The following DNAH10 variants were observed in gnomAD, a reference collection of about 807,000 sequenced individuals.
DNAH10 encodes dynein axonemal heavy chain 10.
A neutral mutation model predicts 506.6 loss-of-function variants in DNAH10; 348 were observed. The observed-to-expected ratio is 0.69, with a 90% confidence interval of 0.63 to 0.75. The LOEUF (loss-of-function observed/expected upper bound fraction) is 0.75, where lower values mean the gene tolerates loss of function less well. DNAH10 is among the 30% of genes least tolerant of loss of function. The pLI is 0.00. For synonymous variants in DNAH10, 2,059 were observed against 2,198.6 expected, an observed-to-expected ratio of 0.94 and a Z score of 1.78; for missense variants, 5,179 against 5,787.1, an observed-to-expected ratio of 0.89 and a Z score of 3.41.
rs776207660 is a variant in DNAH10 at position 123,784,126 on chromosome 12, G to A, written c.1179G>A (p.Thr393=). The change falls in exon 8 of 79, where the codon ACG becomes ACA. Residue 393 remains threonine (T), a synonymous_variant. Coordinates refer to ENST00000673944, the MANE Select transcript of DNAH10 (RefSeq NM_001372106.1). ...TCACCGAGTTATTCAAGTTCCACAC[G>A]GAGGCCTCAGACAATGTGCGCTTTC... ...PVFTELFKFH[T]EASDNVRFLS... 18 of 1,614,202 alleles carry A rather than the reference G, an allele frequency of 1.1e-5. No homozygotes were observed. Among genetic ancestry groups the A allele is most frequent in the Middle Eastern group, 1.6e-4 (1 of 6,062 alleles).
chr12:123,912,657 G>C (rs1191697307), intron 59 of DNAH10, among the ~76,000 whole-genome samples: 1 of 152,166 alleles, frequency 6.6e-6, no homozygotes, highest in Non-Finnish European at 1.5e-5. Flanking sequence ...GAGCAGCGGG[G>C]CCAAAGTCAC....
At chr12:123,773,596 T>C (rs7980300) in intron 4 of DNAH10, among the ~76,000 whole-genome samples, 13,650 of 152,232 alleles carry the variant, frequency 0.09, 756 homozygotes, top group African/African-American at 0.15. Context: ...TGGCATCTGG[T>C]GAGGGCCACT....
chr12:123,897,581 C>T (rs549881039), intron 54 of DNAH10, among the ~76,000 whole-genome samples, 189 bp from the exon 55 acceptor site: 1 of 152,000 alleles, frequency 6.6e-6, no homozygotes, highest in Admixed American at 6.5e-5. Context: ...AAAAAATTAC[C>T]CAGGCATGGT....
rs867239479 is a variant in DNAH10, at chr12:123,903,589, C to T, written c.9815+476C>T. ...GGGTGAGAGTAGGTCACTATTGAGG[C>T]CCCCATACATCTTGCAAATCAATCT... On this transcript the variant is annotated intron_variant, in intron 57 of 78. Transcript: ENST00000673944. The surrounding 1 kb of genome is among the most constrained non-coding windows in gnomAD (Gnocchi z 4.6). Among the ~76,000 whole-genome samples the T allele has an allele frequency of 7.2e-5, 11 of 152,300 alleles. No homozygotes were observed. The highest frequency in any genetic ancestry group is 3.4e-3 in the Middle Eastern group (1 of 294).
Position 123,813,435 on chromosome 12 carries a change from A to G in DNAH10, c.3416A>G (p.Tyr1139Cys). 1.2e-6 allele frequency: 2 copies of G among 1,614,254 alleles called. No homozygotes were observed. Among genetic ancestry groups the G allele is most frequent in the Non-Finnish European group, 8.5e-7 (1 of 1,180,038 alleles). Residue 1139 changes from tyrosine (Y) to cysteine (C), a missense_variant, in exon 20 of 79, where the codon TAT becomes TGT. Tyr to Cys is a radical substitution (Grantham distance 194). Around this residue, in one of 3 missense-constraint regions of DNAH10, gnomAD observed 4,844 missense variants for 5,430.5 expected, o/e 0.89. Transcript: ENST00000673944. ...GCCAAGAAACCTCCTTGTGTAGCATATGATGAAAAGTTGCAGTTCTATTCC... is the reference window on the plus strand; with the variant it reads ...GCCAAGAAACCTCCTTGTGTAGCATGTGATGAAAAGTTGCAGTTCTATTCC... ...FAAKKPPCVA[Y>C]DEKLQFYSKI... is the part of the protein sequence containing the mutation.
chr12:123,927,213 AT>A (rs530502176), intron 69 of DNAH10: 39 of 191,252 alleles, frequency 2.0e-4, no homozygotes, highest in African/African-American at 8.6e-4. Context: ...TGCCTGGCTA[AT>A]TTTTTTGGTA....
At chr12:123,831,659 G>A (rs1301842416) in intron 26 of DNAH10, among the ~76,000 whole-genome samples, 5 of 152,110 alleles carry the variant, frequency 3.3e-5, no homozygotes, top group South Asian at 4.1e-4. Flanking sequence ...TTGGGAGGCC[G>A]AGGAGGGTGG....
rs148982654 is a variant in DNAH10, at chr12:123,789,977, G to A, written c.1671G>A (p.Thr557=). 1.4e-5 allele frequency: 23 copies of A among 1,614,000 alleles called. No individual in the cohort carries two copies. In the African/African-American group the frequency reaches 2.0e-4, roughly 14 times the overall value. The change falls in exon 11 of 79, where the codon ACG becomes ACA. Residue 557 remains threonine, a synonymous_variant. Transcript: ENST00000673944. ...TTGGTCCAGAACTAAAGGCAGTGAC[G>A]GGGGACCCCAAGCGCATTGATGATG... The part of the protein sequence containing the change: ...NIFGPELKAV[T]GDPKRIDDVL...
At chr12:123,858,236 A>C (rs1951474809) in intron 37 of DNAH10, among the ~76,000 whole-genome samples, 1 of 152,040 alleles carries the variant, frequency 6.6e-6, no homozygotes, top group Non-Finnish European at 1.5e-5. Flanking sequence ...GAAGCCTGTA[A>C]GTTGTATATG....
intron 62 of DNAH10, 150 bp downstream of exon 62, chr12:123,915,149 GCTCCGC>G: frequency 1.7e-6 from 2 of 1,156,632 alleles, no homozygotes; most frequent in Non-Finnish European, 2.3e-6. Context: ...CCCTCCCCCG[GCTCCGC>G]CTCCGCCTCC....
rs1194059304 is a variant in DNAH10, at chr12:123,935,329, T to A, written c.13624-6T>A. The A allele has an allele frequency of 1.2e-6, 2 of 1,600,020 alleles. No individual in the cohort carries two copies. The highest frequency in any genetic ancestry group is 2.7e-5 in the African/African-American group (2 of 74,728). On this transcript the variant is annotated splice_region_variant and splice_polypyrimidine_tract_variant and intron_variant, in intron 78 of 78. Transcript: ENST00000673944. ...TGGGGGCATCTCACCTGCCTTTCCC[T>A]TGCAGAATACTTTCCGGACCCCCGT... is the stretch of plus-strand genomic sequence containing the variant.
intron 34 of DNAH10, among the ~76,000 whole-genome samples, 152 bp downstream of exon 34, chr12:123,849,034 G>T (rs1242635163): frequency 1.3e-5 from 2 of 152,102 alleles, no homozygotes; most frequent in African/African-American, 4.8e-5. Context: ...TGAGATGATT[G>T]GGTTTCCAAA....
At chr12:123,905,317 C>T (rs927755731) in intron 57 of DNAH10, among the ~76,000 whole-genome samples, 3 of 152,122 alleles carry the variant, frequency 2.0e-5, no homozygotes, top group East Asian at 1.9e-4. Context: ...TTACAAACAG[C>T]GTGGCAAAGA....
At chr12:123,789,075 C>CT (rs1471181544) in intron 10 of DNAH10, among the ~76,000 whole-genome samples, 4 of 152,024 alleles carry the variant, frequency 2.6e-5, no homozygotes, top group African/African-American at 9.7e-5. Flanking sequence ...TGGTGAAACC[C>CT]TGTCTCTATG....
intron 19 of DNAH10, among the ~76,000 whole-genome samples, chr12:123,810,948 C>T (rs1206758891): frequency 6.6e-6 from 1 of 152,062 alleles, no homozygotes; most frequent in Non-Finnish European, 1.5e-5. Context: ...GGATTTGAGG[C>T]TCTTGGTGAA....
intron 27 of DNAH10, among the ~76,000 whole-genome samples, chr12:123,834,295 C>T (rs909821416): frequency 6.6e-6 from 1 of 152,122 alleles, no homozygotes; most frequent in Non-Finnish European, 1.5e-5. Flanking sequence ...GCAACCTCTG[C>T]CAGCCGGATT....
rs34524265 is a variant in DNAH10, at chr12:123,857,223, C to T, written c.6606C>T (p.Asn2202=). 1,649 of 1,582,318 alleles carry T rather than the reference C, an allele frequency of 1.0e-3. 15 individuals carry two copies. In the African/African-American group the frequency reaches 0.019, roughly 18 times the overall value. Residue 2202 remains asparagine (N), a synonymous_variant, in exon 37 of 79, where the codon AAC becomes AAT. Coordinates refer to ENST00000673944, the MANE Select transcript of DNAH10 (RefSeq NM_001372106.1). The part of the protein sequence containing the change: ...NDAVEQVLEE[N]GYAVLPIQVD... ...CGGTAGAGCAGGTCCTGGAGGAGAA[C>T]GGCTACGCGGTCCTACCCATCCAGG...
chr12:123,874,606 C>CCCATCCATCCATCCATCCACCCATCCAT (rs1952173904), intron 46 of DNAH10, among the ~76,000 whole-genome samples: 1 of 148,064 alleles, frequency 6.8e-6, no homozygotes, highest in Non-Finnish European at 1.5e-5. Flanking sequence ...CATCCATCTA[C>CCCATCCATCCATCCATCCACCCATCCAT]CCATCCATCC....
At chr12:123,868,492 T>C (rs889866217) in intron 43 of DNAH10, among the ~76,000 whole-genome samples, 1 of 152,250 alleles carries the variant, frequency 6.6e-6, no homozygotes, top group African/African-American at 2.4e-5. Context: ...ATCTCCATTT[T>C]CACCATATCA....
Sources: allele counts gnomAD v4.1 joint callset (sites outside exome capture counted in the v4.1 genomes callset), GRCh38; gene constraint gnomAD v4.1.1; regional missense constraint gnomAD v4.1.1; non-coding constraint Gnocchi (gnomAD v3.1); transcripts MANE v1.5; gene names NCBI Gene and HGNC (gene_info 2026-07-23, HGNC 2026-07-21).